CCDC91: variants seen among roughly 807,000 people sequenced by gnomAD.
The protein encoded by CCDC91 is coiled-coil domain-containing protein 91.
CCDC91 carries 48 observed loss-of-function variants against 63.2 expected under a neutral mutation model. That is an observed-to-expected ratio of 0.76 (90% CI 0.60 to 0.97). CCDC91 has a LOEUF of 0.97. Among genes scored for constraint, CCDC91 ranks in the 50% least tolerant of loss-of-function variants. The pLI is 0.00. For missense variants in CCDC91, 500 were observed against 494.6 expected (o/e 1.01, Z -0.10); for synonymous variants, 167 against 165.8 (o/e 1.01, Z -0.06).
intron 1 of CCDC91, among the ~76,000 whole-genome samples, chr12:28,222,726 T>A (rs965714286): frequency 3.3e-5 from 5 of 152,354 alleles, no homozygotes; most frequent in African/African-American, 1.2e-4. Context: ...GGTCATTTTT[T>A]AAATCTGTAT....
At chr12:28,424,712 G>A (rs1429009249) in intron 8 of CCDC91, among the ~76,000 whole-genome samples, 1 of 152,040 alleles carries the variant, frequency 6.6e-6, no homozygotes, top group East Asian at 1.9e-4. Context: ...CTTCTGTAAT[G>A]TGAATACTAA....
At chr12:28,284,198 A>G (rs554613423) in intron 3 of CCDC91, among the ~76,000 whole-genome samples, 4 of 152,164 alleles carry the variant, frequency 2.6e-5, no homozygotes, top group Admixed American at 2.0e-4. Context: ...ACTTCTTGTT[A>G]TATGGAATAC....
chr12:28,389,171 T>C (rs1382707324), intron 7 of CCDC91, among the ~76,000 whole-genome samples: 5 of 152,224 alleles, frequency 3.3e-5, no homozygotes, highest in Non-Finnish European at 7.4e-5. Flanking sequence ...TTGTGTATAG[T>C]GGTGAGTCTA....
intron 11 of CCDC91, among the ~76,000 whole-genome samples, chr12:28,472,780 G>A (rs1003856998): frequency 6.6e-6 from 1 of 152,166 alleles, no homozygotes; most frequent in African/African-American, 2.4e-5. Context: ...CTTTTAGCAT[G>A]TCATTGCAGT....
chr12:28,277,815 A>C (rs2136507301), intron 3 of CCDC91, among the ~76,000 whole-genome samples: 1 of 152,134 alleles, frequency 6.6e-6, no homozygotes, highest in South Asian at 2.1e-4. Flanking sequence ...ATCTTTACAT[A>C]GTAGTTAGTT....
intron 7 of CCDC91, among the ~76,000 whole-genome samples, chr12:28,376,480 A>AT (rs1175562038): frequency 3.3e-5 from 5 of 151,836 alleles, no homozygotes; most frequent in African/African-American, 9.7e-5. Context: ...ATTAAAAAAA[A>AT]CAAAAACTTA....
intron 8 of CCDC91, among the ~76,000 whole-genome samples, chr12:28,445,639 C>T (rs996249826): frequency 3.9e-5 from 6 of 152,182 alleles, no homozygotes; most frequent in African/African-American, 1.4e-4. Flanking sequence ...CTGTCTCAGT[C>T]AGCTCAGGCT....
chr12:28,364,976 C>T (rs1944181784), intron 7 of CCDC91, among the ~76,000 whole-genome samples: 1 of 152,000 alleles, frequency 6.6e-6, no homozygotes, highest in African/African-American at 2.4e-5. Context: ...TATTATTGTA[C>T]AAGATGTGGA....
chr12:28,535,021 A>G (rs930275295), intron 12 of CCDC91, among the ~76,000 whole-genome samples: 8 of 152,238 alleles, frequency 5.3e-5, no homozygotes, highest in African/African-American at 1.9e-4. Flanking sequence ...ATAAAGAGCT[A>G]TAAAATGAGA....
chr12:28,531,004 A>C (rs954182733), intron 12 of CCDC91, among the ~76,000 whole-genome samples: 15 of 152,116 alleles, frequency 9.9e-5, no homozygotes, highest in Non-Finnish European at 2.1e-4. Context: ...CAGAAACATA[A>C]GCCAAGAAAT....
At chr12:28,274,632 G>A (rs1295867775) in intron 3 of CCDC91, among the ~76,000 whole-genome samples, 1 of 151,918 alleles carries the variant, frequency 6.6e-6, no homozygotes, top group African/African-American at 2.4e-5. Context: ...TCATGATTTG[G>A]CTCTCTGTTT....
At chr12:28,382,733 A>C (rs933170804) in intron 7 of CCDC91, among the ~76,000 whole-genome samples, 2 of 152,224 alleles carry the variant, frequency 1.3e-5, no homozygotes, top group African/African-American at 4.8e-5. Flanking sequence ...CATCTAGATG[A>C]GTTTATTTCT....
chr12:28,396,988 G>C (rs1430917213), intron 8 of CCDC91, among the ~76,000 whole-genome samples: 3 of 152,082 alleles, frequency 2.0e-5, no homozygotes, highest in Admixed American at 6.6e-5. Flanking sequence ...TAAGTATATA[G>C]ATGGTCATTG....
chr12:28,545,903 C>T (rs1942956499), intron 12 of CCDC91, among the ~76,000 whole-genome samples: 1 of 151,880 alleles, frequency 6.6e-6, no homozygotes, highest in Admixed American at 6.6e-5. Flanking sequence ...TACTATATTC[C>T]CTCAAAAGGA....
chr12:28,425,761 T>G (rs1340484393), intron 8 of CCDC91, among the ~76,000 whole-genome samples: 1 of 152,210 alleles, frequency 6.6e-6, no homozygotes, highest in Non-Finnish European at 1.5e-5. Flanking sequence ...CCAGCAGGCT[T>G]CAGTATCAGC....
At chr12:28,502,709 A>T (rs1336640743) in intron 12 of CCDC91, among the ~76,000 whole-genome samples, 1 of 151,832 alleles carries the variant, frequency 6.6e-6, no homozygotes, top group African/African-American at 2.4e-5. Flanking sequence ...TAACCAAAAC[A>T]GCATGGTACT....
rs73265406 is a variant in CCDC91 at position 28,383,791 on chromosome 12, C to T, written c.655-7513C>T. On this transcript the variant is annotated intron_variant, in intron 7 of 12. Coordinates refer to ENST00000536442, the MANE Select transcript of CCDC91 (RefSeq NM_018318.5). ...TATATTCCAACAAAATTTTCTGAAA[C>T]GTCTAAATACTGTTTTCAGAGATGC... 1.5e-3 allele frequency among the ~76,000 whole-genome samples: 227 copies of T among 152,152 alleles called. 1 individual carries two copies. Among genetic ancestry groups the T allele is most frequent in the African/African-American group, 5.1e-3 (211 of 41,518 alleles).
chr12:28,279,160 T>C (rs1948433484), intron 3 of CCDC91, among the ~76,000 whole-genome samples: 2 of 152,052 alleles, frequency 1.3e-5, no homozygotes, highest in African/African-American at 4.8e-5. Flanking sequence ...GAAGTCTTTT[T>C]TTTTTAAATA....
At chr12:28,523,342 C>G (rs1440113246) in intron 12 of CCDC91, among the ~76,000 whole-genome samples, 1 of 152,078 alleles carries the variant, frequency 6.6e-6, no homozygotes, top group Non-Finnish European at 1.5e-5. Context: ...CCTTCTTTGT[C>G]TCTTTTGATC....
Sources: allele counts gnomAD v4.1 joint callset (sites outside exome capture counted in the v4.1 genomes callset), GRCh38; gene constraint gnomAD v4.1.1; transcripts MANE v1.5; gene names NCBI Gene and HGNC (gene_info 2026-07-23, HGNC 2026-07-21).